HMCN1: variants seen among roughly 807,000 people sequenced by gnomAD.
The protein encoded by HMCN1 is hemicentin 1.
HMCN1 carries 321 observed loss-of-function variants against 625.9 expected under a neutral mutation model. The observed-to-expected ratio is 0.51, with a 90% CI of 0.47 to 0.56. HMCN1 has a LOEUF of 0.56. Among genes scored for constraint, HMCN1 ranks in the 20% least tolerant of loss-of-function variants. HMCN1 has a pLI of 0.00. For missense variants in HMCN1, 6,588 were observed against 6,887.3 expected, an observed-to-expected ratio of 0.96 and a Z score of 1.54; for synonymous variants, 2,425 against 2,417.6, an observed-to-expected ratio of 1.00 and a Z score of -0.09.
intron 28 of HMCN1, among the ~76,000 whole-genome samples, chr1:186,002,487 C>T (rs1002687887): frequency 2.6e-5 from 4 of 152,026 alleles, no homozygotes; most frequent in African/African-American, 9.7e-5. Flanking sequence ...TCCCATTAGG[C>T]TTCTCAAAGC....
At chr1:186,161,290 C>A (rs534810811) in intron 97 of HMCN1, among the ~76,000 whole-genome samples, 208 of 151,976 alleles carry the variant, frequency 1.4e-3, no homozygotes, top group Middle Eastern at 3.4e-3. Flanking sequence ...TTCCTCCATC[C>A]CTTTATTTTG....
At chr1:185,800,207 C>A (rs1340169450) in intron 1 of HMCN1, among the ~76,000 whole-genome samples, 1 of 152,222 alleles carries the variant, frequency 6.6e-6, no homozygotes, top group South Asian at 2.1e-4. Context: ...CAGAAGCTTG[C>A]CCTAGCTCCC....
intron 1 of HMCN1, among the ~76,000 whole-genome samples, chr1:185,746,493 G>C (rs1045772420): frequency 3.9e-5 from 6 of 152,116 alleles, no homozygotes; most frequent in African/African-American, 1.4e-4. Flanking sequence ...CCAACTTCTA[G>C]TGGTTTGCTG....
chr1:185,955,249 T>C (rs1055306151), intron 11 of HMCN1, among the ~76,000 whole-genome samples: 8 of 152,218 alleles, frequency 5.3e-5, no homozygotes, highest in African/African-American at 1.7e-4. Context: ...TGTTCATTCA[T>C]TGAAAACCTT....
At chr1:186,098,622 CAG>C (rs765826688) in intron 68 of HMCN1, among the ~76,000 whole-genome samples, 7 of 151,894 alleles carry the variant, frequency 4.6e-5, no homozygotes, top group Non-Finnish European at 8.8e-5. Context: ...ATTATGAAAA[CAG>C]AGGTTCCTAA....
At chr1:186,035,912 C>T (rs1655789222) in intron 36 of HMCN1, among the ~76,000 whole-genome samples, 1 of 152,026 alleles carries the variant, frequency 6.6e-6, no homozygotes, top group Non-Finnish European at 1.5e-5. Context: ...TTCGTTATAA[C>T]TGTATTTTTT....
intron 55 of HMCN1, among the ~76,000 whole-genome samples, 195 bp downstream of exon 55, chr1:186,078,415 A>T (rs111649527): frequency 6.6e-6 from 1 of 152,164 alleles, no homozygotes; most frequent in Non-Finnish European, 1.5e-5. Context: ...TAAGAAACAA[A>T]CTGACTTAAA....
At chr1:186,180,489 C>T (rs977199897) in intron 104 of HMCN1, among the ~76,000 whole-genome samples, 8 of 152,168 alleles carry the variant, frequency 5.3e-5, no homozygotes, top group Non-Finnish European at 8.8e-5. Flanking sequence ...TAGCTGGTTT[C>T]TTCCAAATTA....
rs892472121 is a variant in HMCN1 at position 186,136,760 on chromosome 1, C to G, written c.13405C>G (p.Pro4469Ala). The G allele has an allele frequency of 6.2e-7, 1 of 1,613,914 alleles. No homozygotes were observed. The highest frequency in any genetic ancestry group is 8.5e-7 in the Non-Finnish European group (1 of 1,179,960). The change falls in exon 87 of 107, where the codon CCA becomes GCA. Residue 4469 changes from proline to alanine, a missense_variant. Coordinates refer to ENST00000271588, the MANE Select transcript of HMCN1 (RefSeq NM_031935.3). ...TTGTCAGGCAACTGGAGAGCCTCAA[C>G]CAACCATTACATGGTCCCGTCAAGG... ...LNCQATGEPQ[P>A]TITWSRQGHS... is the part of the protein sequence containing the mutation.
chr1:185,969,990 C>A (rs1450420099), intron 14 of HMCN1, among the ~76,000 whole-genome samples: 1 of 152,162 alleles, frequency 6.6e-6, no homozygotes, highest in Non-Finnish European at 1.5e-5. Flanking sequence ...CCAAATGCAT[C>A]CTGCCACAAA....
At chr1:185,897,176 C>T (rs1665538201) in intron 4 of HMCN1, among the ~76,000 whole-genome samples, 1 of 152,132 alleles carries the variant, frequency 6.6e-6, no homozygotes, top group African/African-American at 2.4e-5. Context: ...TTCTTCATTT[C>T]CACTGTCATT....
chr1:185,803,205 C>CAAAAAAAAAA, intron 1 of HMCN1, among the ~76,000 whole-genome samples: 62 of 58,772 alleles, frequency 1.1e-3, no homozygotes, highest in Non-Finnish European at 1.8e-3. Flanking sequence ...AAAAAAAAAG[C>CAAAAAAAAAA]AAAAAAAAAA....
Position 186,053,880 on chromosome 1 carries a change from G to A in HMCN1, c.6756G>A (p.Arg2252=). The change falls in exon 44 of 107, where the codon AGG becomes AGA. Residue 2252 remains arginine (R), a synonymous_variant. Coordinates refer to ENST00000271588, the MANE Select transcript of HMCN1 (RefSeq NM_031935.3). ...GAGTTAGAATTTTATCTGGGGGCAG[G>A]CAATTACAAATTTCAATTGCTGAAA... ...MGRVRILSGG[R]QLQISIAEKS... 1 of 1,612,664 alleles carries A rather than the reference G, an allele frequency of 6.2e-7. No homozygotes were observed. The highest frequency in any genetic ancestry group is 8.5e-7 in the Non-Finnish European group (1 of 1,179,194).
intron 82 of HMCN1, among the ~76,000 whole-genome samples, chr1:186,126,268 T>C (rs6696910): frequency 0.47 from 71,376 of 151,434 alleles, 18,046 homozygotes; most frequent in African/African-American, 0.64. Flanking sequence ...TATATTCATA[T>C]TTGAATATTC....
intron 63 of HMCN1, among the ~76,000 whole-genome samples, chr1:186,089,133 T>A (rs1259856870): frequency 6.6e-6 from 1 of 152,038 alleles, no homozygotes; most frequent in Non-Finnish European, 1.5e-5. Context: ...AAAGAAGTTG[T>A]ACTATGATCT....
At chr1:185,755,510 C>T (rs1378061168) in intron 1 of HMCN1, among the ~76,000 whole-genome samples, 5 of 152,202 alleles carry the variant, frequency 3.3e-5, no homozygotes, top group South Asian at 4.1e-4. Flanking sequence ...GGCCTCATGG[C>T]GTAGTGCTGG....
intron 1 of HMCN1, among the ~76,000 whole-genome samples, chr1:185,838,416 C>A (rs556298306): frequency 6.6e-6 from 1 of 152,182 alleles, no homozygotes; most frequent in Non-Finnish European, 1.5e-5. Flanking sequence ...CACCTCCATG[C>A]CCCACTCAAA....
intron 1 of HMCN1, among the ~76,000 whole-genome samples, chr1:185,812,296 A>T (rs1352932259): frequency 6.6e-6 from 1 of 152,170 alleles, no homozygotes; most frequent in Non-Finnish European, 1.5e-5. Context: ...TTGATTGAGA[A>T]ATGTAACACA....
chr1:186,101,565 A>T (rs1660384268), intron 68 of HMCN1, among the ~76,000 whole-genome samples: 1 of 152,106 alleles, frequency 6.6e-6, no homozygotes, highest in South Asian at 2.1e-4. Context: ...GACAACTCTT[A>T]CTCTGCCCGA....
Sources: allele counts gnomAD v4.1 joint callset (sites outside exome capture counted in the v4.1 genomes callset), GRCh38; gene constraint gnomAD v4.1.1; transcripts MANE v1.5; gene names NCBI Gene and HGNC (gene_info 2026-07-23, HGNC 2026-07-21).